RAPGEFL1: variants seen among roughly 807,000 people sequenced by gnomAD.
The protein encoded by RAPGEFL1 is Rap guanine nucleotide exchange factor like 1, also known as rap guanine nucleotide exchange factor-like 1.
A neutral mutation model predicts 64.4 loss-of-function variants in RAPGEFL1; 31 were observed. The observed-to-expected ratio is 0.48, with a 90% CI of 0.36 to 0.65. The LOEUF (loss-of-function observed/expected upper bound fraction) is 0.65. Among genes scored for constraint, RAPGEFL1 ranks in the 30% least tolerant of loss-of-function variants. The pLI, the probability that RAPGEFL1 is intolerant of heterozygous loss-of-function variation, is 0.00. For missense variants in RAPGEFL1, 682 were observed against 677.4 expected (o/e 1.01, Z -0.08); for synonymous variants, 331 against 274.1 (o/e 1.21, Z -2.05).
chr17:40,193,476 C>G (rs1288507974), intron 14 of RAPGEFL1, 59 bp downstream of exon 14: 3 of 1,597,272 alleles, frequency 1.9e-6, no homozygotes, highest in Non-Finnish European at 2.6e-6. Flanking sequence ...CGGGAGGGTT[C>G]AGGGGAGAAC....
In RAPGEFL1 at chr17:40,177,793, CG is replaced by C. The variant is rs1156252981; in HGVS notation, c.-68del. The C allele has an allele frequency of 1.7e-5, 7 of 410,562 alleles. No individual in the cohort carries two copies. The highest frequency in any genetic ancestry group is 3.0e-5 in the Non-Finnish European group (7 of 232,826). 25.4% of individuals were successfully genotyped at this position (410,562 alleles called of 1,614,324 possible). On this transcript the variant is annotated 5_prime_UTR_variant, in exon 1 of 15. Coordinates refer to ENST00000620260, the MANE Select transcript of RAPGEFL1 (RefSeq NM_016339.6). ...CCAGCTCTGAGCATCGTGTCTTCGC[CG>C]CCCCCCCCGCCCGCGCCTGGGATAC...
At position 40,193,812 on chromosome 17, in the gene RAPGEFL1, G is replaced by A. The variant is rs537497520; in HGVS notation, c.*24G>A. On this transcript the variant is annotated 3_prime_UTR_variant, in exon 15 of 15. Transcript: ENST00000620260. The stretch of plus-strand genomic sequence containing the variant: ...GAGAGTGGAGGCTCCAGTCAGACCC[G>A]CCAGATCCTTGGGCACCTGGCACTC... 6 of 1,613,514 alleles carry A rather than the reference G, an allele frequency of 3.7e-6. No homozygotes were observed. The highest frequency in any genetic ancestry group is 5.1e-6 in the Non-Finnish European group (6 of 1,179,762).
rs917185059 is a variant in RAPGEFL1 at position 40,191,214 on chromosome 17, G to A, written c.1336-102G>A. The A allele has an allele frequency of 6.8e-6, 5 of 735,838 alleles. No individual in the cohort carries two copies. Among genetic ancestry groups the A allele is most frequent in the African/African-American group, 5.8e-5 (3 of 52,092 alleles). 45.6% of individuals were successfully genotyped at this position (735,838 alleles called of 1,614,324 possible). A position where few individuals can be genotyped will look rare whatever the true frequency, so the allele number is the denominator to read the frequency against. On this transcript the variant is annotated intron_variant, in intron 8 of 14. Coordinates refer to ENST00000620260, the MANE Select transcript of RAPGEFL1 (RefSeq NM_016339.6). The surrounding 1 kb of genome is among the most constrained non-coding windows in gnomAD (Gnocchi z 5.1). ...TCTATTTTCCACCCCTTCCGCCCCC[G>A]CCCTCCTGCCTTTCGCTCCTCATCG...
chr17:40,177,499 GCC>G lies in RAPGEFL1; in HGVS notation c.-362_-361del. On this transcript the variant is annotated 5_prime_UTR_variant, in exon 1 of 15. Coordinates refer to ENST00000620260, the MANE Select transcript of RAPGEFL1 (RefSeq NM_016339.6). Reference sequence around the variant, plus strand: ...CCCCCTCTTCACGGCCAGGAGCGCAGCCGCCGCCGCCGCCGCCGCCGCGTCCT... The same window carrying G: ...CCCCCTCTTCACGGCCAGGAGCGCAGGCCGCCGCCGCCGCCGCCGCGTCCT... 1 of 425,628 alleles carries G rather than the reference GCC, an allele frequency of 2.3e-6. No homozygotes were observed. The highest frequency in any genetic ancestry group is 4.2e-6 in the Non-Finnish European group (1 of 239,552). The allele number at this position is 425,628 out of a possible 1,614,324, so 26.4% of individuals were successfully genotyped here.
chr17:40,192,617 G>A lies in RAPGEFL1; in HGVS notation c.1668G>A (p.Arg556=). The change falls in exon 12 of 15, where the codon AGG becomes AGA. Residue 556 remains arginine, a synonymous_variant. Coordinates refer to ENST00000620260, the MANE Select transcript of RAPGEFL1 (RefSeq NM_016339.6). ...RKFENLTDPC[R]NHKSYREVIS... ...CTGTGGAATACTAGGACCCCTGCAGGAACCACAAAAGCTACCGAGAAGTGA... is the reference window on the plus strand; with the variant it reads ...CTGTGGAATACTAGGACCCCTGCAGAAACCACAAAAGCTACCGAGAAGTGA... 1 of 1,613,604 alleles carries A rather than the reference G, an allele frequency of 6.2e-7. No individual in the cohort carries two copies. The highest frequency in any genetic ancestry group is 1.1e-5 in the South Asian group (1 of 91,052).
chr17:40,177,771 G>A lies in RAPGEFL1; in HGVS notation c.-91G>A. ...CACGGCCCTCTACTCTGCTCCTCCA[G>A]CTCTGAGCATCGTGTCTTCGCCGCC... On this transcript the variant is annotated 5_prime_UTR_variant, in exon 1 of 15. Transcript: ENST00000620260. 1 of 412,136 alleles carries A rather than the reference G, an allele frequency of 2.4e-6. No individual in the cohort carries two copies. The allele number at this position is 412,136 out of a possible 1,614,324, so 25.5% of individuals were successfully genotyped here.
chr17:40,180,469 T>G (rs896688536), intron 1 of RAPGEFL1, among the ~76,000 whole-genome samples: 1 of 152,170 alleles, frequency 6.6e-6, no homozygotes, highest in Non-Finnish European at 1.5e-5. Flanking sequence ...CAAGTCATCC[T>G]GGTCTCCTCC....
chr17:40,177,032 A>G (rs1989729245), upstream of RAPGEFL1: 1 of 701,370 alleles, frequency 1.4e-6, no homozygotes, highest in African/African-American at 1.7e-5. Flanking sequence ...CAGAGAGGAC[A>G]GATGGGCACC....
chr17:40,187,142 A>G (rs1202808236), intron 4 of RAPGEFL1, among the ~76,000 whole-genome samples: 1 of 152,098 alleles, frequency 6.6e-6, no homozygotes, highest in African/African-American at 2.4e-5. Flanking sequence ...ATATTTATAT[A>G]TGGAGATATA....
chr17:40,187,762 C>T (rs1183420514), intron 4 of RAPGEFL1, among the ~76,000 whole-genome samples: 1 of 151,856 alleles, frequency 6.6e-6, no homozygotes, highest in Non-Finnish European at 1.5e-5. Flanking sequence ...AGGCGCCTGC[C>T]ACCACGCCCG....
Position 40,184,683 on chromosome 17 carries a change from G to C in RAPGEFL1, c.833+5G>C. 1 of 1,537,114 alleles carries C rather than the reference G, an allele frequency of 6.5e-7. No homozygotes were observed. The highest frequency in any genetic ancestry group is 8.9e-7 in the Non-Finnish European group (1 of 1,121,584). On this transcript the variant is annotated splice_donor_5th_base_variant and intron_variant, in intron 4 of 14. Coordinates refer to ENST00000620260, the MANE Select transcript of RAPGEFL1 (RefSeq NM_016339.6). ...GGTGGAGACGGTGGAACTAAAGTGA[G>C]GGGGAGTGGGGCAGGGGCGGGAACA...
Position 40,178,359 on chromosome 17 carries a change from T to C in RAPGEFL1, c.498T>C (p.Ala166=). Residue 166 remains alanine (A), a synonymous_variant, in exon 1 of 15, where the codon GCT becomes GCC. Coordinates refer to ENST00000620260, the MANE Select transcript of RAPGEFL1 (RefSeq NM_016339.6). Reference sequence around the variant, plus strand: ...TTCTGGAGCGGCTTGCTGGAGGGGCTACCAGGGACAGCGCCGCCTCAGGTA... The same window carrying C: ...TTCTGGAGCGGCTTGCTGGAGGGGCCACCAGGGACAGCGCCGCCTCAGGTA... ...NRVLERLAGG[A]TRDSAASDIL... The C allele has an allele frequency of 1.8e-6, 1 of 541,344 alleles. No individual in the cohort carries two copies. The highest frequency in any genetic ancestry group is 3.3e-6 in the Non-Finnish European group (1 of 300,430). 33.5% of individuals were successfully genotyped at this position (541,344 alleles called of 1,614,324 possible). A position where few individuals can be genotyped will look rare whatever the true frequency, so the allele number is the denominator to read the frequency against.
chr17:40,178,056 C>T lies in RAPGEFL1; in HGVS notation c.195C>T (p.Pro65=), dbSNP rs891395418. 1 of 601,646 alleles carries T rather than the reference C, an allele frequency of 1.7e-6. No individual in the cohort carries two copies. Among genetic ancestry groups the T allele is most frequent in the Admixed American group, 2.8e-5 (1 of 35,718 alleles). 37.3% of individuals were successfully genotyped at this position (601,646 alleles called of 1,614,324 possible). Residue 65 remains proline, a synonymous_variant, in exon 1 of 15, where the codon CCC becomes CCT. Transcript: ENST00000620260. ...RRQSVSRLLL[P]AFLREPPAEP... ...AGAGCGTGTCTCGCCTGCTGCTCCC[C>T]GCTTTCCTCCGGGAGCCCCCCGCCG...
At chr17:40,193,584 G>C (rs769832598) in intron 14 of RAPGEFL1, 80 bp from the exon 15 acceptor site, 1 of 1,608,562 alleles carries the variant, frequency 6.2e-7, no homozygotes, top group South Asian at 1.1e-5. Flanking sequence ...TCAGTCCACA[G>C]CCTGATCTTC....
chr17:40,182,985 T>C (rs1209609261), intron 2 of RAPGEFL1, among the ~76,000 whole-genome samples: 3 of 151,948 alleles, frequency 2.0e-5, no homozygotes, highest in Admixed American at 2.0e-4. Context: ...CCGTCTCTAC[T>C]AAAACACAAA....
chr17:40,190,403 G>A (rs1415771819), intron 6 of RAPGEFL1, 31 bp from the exon 7 acceptor site: 2 of 1,602,326 alleles, frequency 1.2e-6, no homozygotes, highest in Non-Finnish European at 1.7e-6. Context: ...AGGCGGCAGG[G>A]GCCGAGGATG....
chr17:40,191,683 C>T lies in RAPGEFL1; in HGVS notation c.1605+11C>T, dbSNP rs1323783512. 3.1e-6 allele frequency: 5 copies of T among 1,603,298 alleles called. No homozygotes were observed. Among genetic ancestry groups the T allele is most frequent in the African/African-American group, 1.3e-5 (1 of 74,820 alleles). On this transcript the variant is annotated intron_variant, in intron 10 of 14. Transcript: ENST00000620260. The surrounding 1 kb of genome is among the most constrained non-coding windows in gnomAD (Gnocchi z 5.1). ...CGACTCACCTGGGAGGTGATGAGACCCCTCCCGTTCCTACCTGGGAATCTG... is the reference window on the plus strand; with the variant it reads ...CGACTCACCTGGGAGGTGATGAGACTCCTCCCGTTCCTACCTGGGAATCTG...
intron 2 of RAPGEFL1, among the ~76,000 whole-genome samples, chr17:40,182,531 C>G (rs1164707167): frequency 6.6e-6 from 1 of 152,208 alleles, no homozygotes; most frequent in African/African-American, 2.4e-5. Context: ...CCAGGCTGGT[C>G]TCGAACTCCT....
chr17:40,189,237 T>G lies in RAPGEFL1; in HGVS notation c.976T>G (p.Ser326Ala), dbSNP rs781077900. The part of the protein sequence containing the change: ...IFCRVYMPDH[S>A]YVTIRSRLSA... ...CTGCCGTGTATACATGCCTGACCACTCTTATGTGACCATACGCAGCCGCCT... is the reference window on the plus strand; with the variant it reads ...CTGCCGTGTATACATGCCTGACCACGCTTATGTGACCATACGCAGCCGCCT... The change falls in exon 6 of 15, where the codon TCT becomes GCT. Residue 326 changes from serine (S) to alanine (A), a missense_variant. Physicochemically the swap from Ser to Ala is moderately conservative, Grantham distance 99. Coordinates refer to ENST00000620260, the MANE Select transcript of RAPGEFL1 (RefSeq NM_016339.6). 5.0e-6 allele frequency: 8 copies of G among 1,614,050 alleles called. No homozygotes were observed. Among genetic ancestry groups the G allele is most frequent in the Non-Finnish European group, 1.7e-6 (2 of 1,180,028 alleles).
Sources: allele counts gnomAD v4.1 joint callset (sites outside exome capture counted in the v4.1 genomes callset), GRCh38; gene constraint gnomAD v4.1.1; non-coding constraint Gnocchi (gnomAD v3.1); transcripts MANE v1.5; gene names NCBI Gene and HGNC (gene_info 2026-07-23, HGNC 2026-07-21).